Variants in KCNC2 observed in about 807,000 individuals in gnomAD.
The protein encoded by KCNC2 is voltage-gated potassium channel KCNC2.
Under a neutral mutation model 44.5 loss-of-function variants are expected in KCNC2, and 21 were observed. The ratio of observed to expected loss-of-function variants is 0.47; its 90% CI spans 0.33 to 0.68. The LOEUF is 0.68. Among genes scored for constraint, KCNC2 ranks in the 30% least tolerant of loss-of-function variants. The pLI, the probability that KCNC2 is intolerant of heterozygous loss-of-function variation, is 0.01. For missense variants in KCNC2, 589 were observed against 826.2 expected (o/e 0.71, Z 3.52); for synonymous variants, 391 against 339.1 (o/e 1.15, Z -1.68).
chr12:75,197,383 C>T (rs962747085), intron 2 of KCNC2, among the ~76,000 whole-genome samples: 2 of 151,958 alleles, frequency 1.3e-5, no homozygotes, highest in African/African-American at 2.4e-5. Context: ...CATGTTTGCT[C>T]ACTACTCCAC....
At chr12:75,156,559 A>AT (rs1475748274) in intron 2 of KCNC2, among the ~76,000 whole-genome samples, 5 of 151,674 alleles carry the variant, frequency 3.3e-5, no homozygotes, top group Non-Finnish European at 5.9e-5. Context: ...TCAAATCTTG[A>AT]TTTTTTTTCT....
Position 75,056,862 on chromosome 12 carries a change from C to T in KCNC2, c.688-5545G>A, listed in dbSNP as rs533967573. ...ATCATGTTAAGTTAAAAACAAATGA[C>T]TGCAGAACAACAATATGCAGAATGT... On this transcript the variant is annotated intron_variant, in intron 2 of 4. Transcript: ENST00000549446. 1.1e-4 allele frequency among the ~76,000 whole-genome samples: 16 copies of T among 152,080 alleles called. 1 individual carries two copies. The South Asian group carries it at 2.9e-3, about 28-fold the overall frequency.
intron 2 of KCNC2, among the ~76,000 whole-genome samples, chr12:75,144,979 A>G (rs1889913900): frequency 6.6e-6 from 1 of 152,184 alleles, no homozygotes; most frequent in African/African-American, 2.4e-5. Context: ...GATTATGCTT[A>G]TAGAGCCAGC....
intron 2 of KCNC2, among the ~76,000 whole-genome samples, chr12:75,199,133 C>T (rs921979752): frequency 6.6e-6 from 1 of 151,750 alleles, no homozygotes; most frequent in African/African-American, 2.4e-5. Flanking sequence ...CAAAGGAAAA[C>T]ACCTTTTACT....
intron 2 of KCNC2, among the ~76,000 whole-genome samples, chr12:75,138,080 G>A (rs746378110): frequency 1.3e-5 from 2 of 152,150 alleles, no homozygotes; most frequent in Non-Finnish European, 2.9e-5. Context: ...CACTGACCTG[G>A]ACATAAACAG....
chr12:75,110,531 G>A (rs956124641), intron 2 of KCNC2, among the ~76,000 whole-genome samples: 1 of 152,030 alleles, frequency 6.6e-6, no homozygotes, highest in Non-Finnish European at 1.5e-5. Context: ...TATGTAAGAA[G>A]GCAACAAATA....
chr12:75,078,743 G>A (rs879720912), intron 2 of KCNC2, among the ~76,000 whole-genome samples: 3 of 152,146 alleles, frequency 2.0e-5, no homozygotes, highest in Non-Finnish European at 4.4e-5. Context: ...GATTAACAAC[G>A]AGAGTGAATT....
At chr12:75,045,106 T>C (rs1233223120) in intron 4 of KCNC2, among the ~76,000 whole-genome samples, 1 of 151,954 alleles carries the variant, frequency 6.6e-6, no homozygotes, top group African/African-American at 2.4e-5. Flanking sequence ...CCTAAAAACG[T>C]AAACTAGACG....
At chr12:75,053,002 T>C (rs1315293037) in intron 2 of KCNC2, among the ~76,000 whole-genome samples, 1 of 152,120 alleles carries the variant, frequency 6.6e-6, no homozygotes, top group African/African-American at 2.4e-5. Flanking sequence ...ATAATAACAT[T>C]CTTTTGTCAT....
intron 2 of KCNC2, among the ~76,000 whole-genome samples, chr12:75,203,883 A>G (rs536525499): frequency 6.6e-6 from 1 of 151,914 alleles, no homozygotes; most frequent in Non-Finnish European, 1.5e-5. Flanking sequence ...AAAATCTAGA[A>G]ACTCTATCAA....
intron 2 of KCNC2, among the ~76,000 whole-genome samples, chr12:75,057,584 C>T (rs1253941632): frequency 1.3e-5 from 2 of 151,726 alleles, no homozygotes; most frequent in African/African-American, 2.4e-5. Context: ...ACACAATTAC[C>T]AAGCTTGGAA....
chr12:75,083,147 A>G (rs2137088875), intron 2 of KCNC2, among the ~76,000 whole-genome samples: 1 of 151,600 alleles, frequency 6.6e-6, no homozygotes, highest in Non-Finnish European at 1.5e-5. Context: ...AATATTTAAT[A>G]TTTTGTTAAA....
At chr12:75,059,364 C>A (rs1435970279) in intron 2 of KCNC2, among the ~76,000 whole-genome samples, 1 of 151,986 alleles carries the variant, frequency 6.6e-6, no homozygotes, top group Non-Finnish European at 1.5e-5. Context: ...ATATTTCTTG[C>A]CTTTTTCACT....
intron 2 of KCNC2, among the ~76,000 whole-genome samples, chr12:75,101,992 C>T (rs1432395384): frequency 2.6e-5 from 4 of 151,922 alleles, no homozygotes; most frequent in Non-Finnish European, 4.4e-5. Context: ...TATGTCTCGG[C>T]GGACTGCCTA....
chr12:75,048,306 C>T lies in KCNC2; in HGVS notation c.1627G>A (p.Asp543Asn). 1 of 1,610,526 alleles carries T rather than the reference C, an allele frequency of 6.2e-7. No individual in the cohort carries two copies. The highest frequency in any genetic ancestry group is 8.5e-7 in the Non-Finnish European group (1 of 1,178,328). The part of the protein sequence containing the change: ...LEHNRSVLSG[D>N]DSTGSEPPLS... ...GGCGGCTCACTTCCTGTACTGTCGT[C>T]ACCTGATAACACTGGTCACAGCACC... Residue 543 changes from aspartate to asparagine, a missense_variant, in exon 4 of 5, where the codon GAC (aspartate) becomes AAC (asparagine). Asp to Asn is a conservative substitution (Grantham distance 23, BLOSUM62 1). This residue lies in a region of KCNC2 where 171 missense variants were observed against 182.4 expected (regional missense o/e 0.94). Coordinates refer to ENST00000549446, the MANE Select transcript of KCNC2 (RefSeq NM_139137.4).
At position 75,042,770 on chromosome 12, in the gene KCNC2, T is replaced by C. The variant is rs966500609; in HGVS notation, c.*335A>G. ...TAAAGTTCCAATGAAGTGGTTGGCA[T>C]TTGGAAGCACACTGTTTTAAATATA... On this transcript the variant is annotated 3_prime_UTR_variant, in exon 5 of 5. Coordinates refer to ENST00000549446, the MANE Select transcript of KCNC2 (RefSeq NM_139137.4). 6.1e-6 allele frequency: 7 copies of C among 1,153,926 alleles called. No individual in the cohort carries two copies. Among genetic ancestry groups the C allele is most frequent in the Non-Finnish European group, 7.5e-6 (7 of 936,988 alleles). 71.5% of individuals were successfully genotyped at this position (1,153,926 alleles called of 1,614,324 possible).
At chr12:75,060,252 T>G (rs982935905) in intron 2 of KCNC2, among the ~76,000 whole-genome samples, 2 of 152,108 alleles carry the variant, frequency 1.3e-5, no homozygotes, top group African/African-American at 4.8e-5. Flanking sequence ...CTGAATCCTG[T>G]GGACTCTCAG....
At chr12:75,176,981 G>T (rs1248972681) in intron 2 of KCNC2, among the ~76,000 whole-genome samples, 2 of 149,764 alleles carry the variant, frequency 1.3e-5, no homozygotes, top group Non-Finnish European at 3.0e-5. Context: ...AATGTATAAA[G>T]AAGAAGACTG....
chr12:75,129,022 C>T (rs1888642374), intron 2 of KCNC2, among the ~76,000 whole-genome samples: 1 of 152,158 alleles, frequency 6.6e-6, no homozygotes, highest in Non-Finnish European at 1.5e-5. Flanking sequence ...GCCAAATAGC[C>T]ATTTAAAGCA....
Sources: allele counts gnomAD v4.1 joint callset (sites outside exome capture counted in the v4.1 genomes callset), GRCh38; gene constraint gnomAD v4.1.1; regional missense constraint gnomAD v4.1.1; transcripts MANE v1.5; gene names NCBI Gene and HGNC (gene_info 2026-07-23, HGNC 2026-07-21).